SERAC1: variants seen among roughly 807,000 people sequenced by gnomAD.
The protein encoded by SERAC1 is protein SERAC1.
SERAC1 carries 36 observed loss-of-function variants against 85.7 expected under a neutral mutation model. The ratio of observed to expected loss-of-function variants is 0.42; its 90% CI spans 0.32 to 0.55. SERAC1 has a LOEUF of 0.55. Among genes scored for constraint, SERAC1 ranks in the 20% least tolerant of loss-of-function variants. The probability of loss-of-function intolerance (pLI) is 0.11; values close to 1 mark genes in which losing one functional copy is unlikely to be tolerated. For synonymous variants in SERAC1, 242 were observed against 265.3 expected (o/e 0.91, Z 0.85); for missense variants, 629 against 796.2 (o/e 0.79, Z 2.53).
At chr6:158,164,200 G>A (rs1205802326) in intron 1 of SERAC1, among the ~76,000 whole-genome samples, 1 of 151,776 alleles carries the variant, frequency 6.6e-6, no homozygotes, top group East Asian at 1.9e-4. Context: ...ATGGGGCCAG[G>A]CACGGTGGCT....
In SERAC1 at chr6:158,151,428, AT is replaced by A. The variant is rs60806678; in HGVS notation, c.129-840del. Among the ~76,000 whole-genome samples, 9 of 148,306 alleles carry A rather than the reference AT, an allele frequency of 6.1e-5. 1 individual carries two copies. Among genetic ancestry groups the A allele is most frequent in the South Asian group, 4.3e-4 (2 of 4,660 alleles). Reference sequence around the variant, plus strand: ...CAGAGCAAGACCTCGTCTCAAAAAGATTTTTTTTTTTGAGGTGGAGTCTCAC... The same window carrying A: ...CAGAGCAAGACCTCGTCTCAAAAAGATTTTTTTTTTGAGGTGGAGTCTCAC... On this transcript the variant is annotated intron_variant, in intron 3 of 16. Coordinates refer to ENST00000647468, the MANE Select transcript of SERAC1 (RefSeq NM_032861.4).
In SERAC1 at chr6:158,117,698, T is replaced by A; in HGVS notation, c.1403+29A>T. 6.2e-7 allele frequency: 1 copy of A among 1,612,910 alleles called. No individual in the cohort carries two copies. The highest frequency in any genetic ancestry group is 8.5e-7 in the Non-Finnish European group (1 of 1,178,978). ...AACTTGCGGCCTGAATTCTTCCCTG[T>A]CCTCCTGGTCTAAAGTCGCCTCTGT... On this transcript the variant is annotated intron_variant, in intron 13 of 16. Transcript: ENST00000647468. The surrounding 1 kb of genome is among the most constrained non-coding windows in gnomAD (Gnocchi z 4.3).
chr6:158,113,718 G>A (rs1583555787), intron 15 of SERAC1, 126 bp from the exon 16 acceptor site: 1 of 838,192 alleles, frequency 1.2e-6, no homozygotes, highest in East Asian at 2.6e-5. Flanking sequence ...GAGTACACAT[G>A]TTTATTTTCT....
Position 158,117,419 on chromosome 6 carries a change from A to G in SERAC1, c.1403+308T>C. 1 of 1,238,686 alleles carries G rather than the reference A, an allele frequency of 8.1e-7. No individual in the cohort carries two copies. Among genetic ancestry groups the G allele is most frequent in the South Asian group, 1.5e-5 (1 of 68,112 alleles). 76.7% of individuals were successfully genotyped at this position (1,238,686 alleles called of 1,614,324 possible). The stretch of plus-strand genomic sequence containing the variant: ...GTATGATTGTGGACACAAGAACAAA[A>G]AAACATCACTTTTACTTCTGATAGA... On this transcript the variant is annotated intron_variant, in intron 13 of 16. Coordinates refer to ENST00000647468, the MANE Select transcript of SERAC1 (RefSeq NM_032861.4). This position sits in a 1 kb window ranked among gnomAD's most constrained non-coding sequence, Gnocchi z 4.3.
chr6:158,166,144 T>C (rs970026917), intron 1 of SERAC1: 9 of 152,216 alleles, frequency 5.9e-5, no homozygotes, highest in Non-Finnish European at 1.2e-4. Flanking sequence ...ATTTAGGTCT[T>C]TATCTGGAAA....
At chr6:158,115,627 G>A (rs922513600) in intron 14 of SERAC1, among the ~76,000 whole-genome samples, 11 of 152,154 alleles carry the variant, frequency 7.2e-5, no homozygotes, top group Admixed American at 5.9e-4. Flanking sequence ...TGCAAGGTGG[G>A]TGGTGAAAAT....
chr6:158,121,077 T>C (rs984612222), intron 10 of SERAC1, among the ~76,000 whole-genome samples: 1 of 152,150 alleles, frequency 6.6e-6, no homozygotes. Context: ...AAAAACATTT[T>C]TTAAAGGGAG....
chr6:158,116,948 G>C (rs1562433478), intron 13 of SERAC1: 1 of 152,774 alleles, frequency 6.5e-6, no homozygotes, highest in Non-Finnish European at 1.5e-5. Flanking sequence ...GATGCTAATA[G>C]AATCAGAATT....
chr6:158,147,992 G>GCTATTAT (rs1306682918), intron 5 of SERAC1, among the ~76,000 whole-genome samples: 5 of 151,958 alleles, frequency 3.3e-5, no homozygotes, highest in Admixed American at 3.3e-4. Flanking sequence ...TAACCACAAT[G>GCTATTAT]CTATTATCAC....
At position 158,148,864 on chromosome 6, in the gene SERAC1, C is replaced by T. The variant is rs1785134401; in HGVS notation, c.355+1G>A. ...TTCCAAGTCATATAGTGGATATTTA[C>T]CAGCAAATGGATTCCGCAGTATCTT... is the stretch of plus-strand genomic sequence containing the variant. On this transcript the variant is annotated splice_donor_variant, in intron 5 of 16. Coordinates refer to ENST00000647468, the MANE Select transcript of SERAC1 (RefSeq NM_032861.4). LOFTEE classifies it high-confidence loss of function. 6.2e-7 allele frequency: 1 copy of T among 1,601,198 alleles called. No individual in the cohort carries two copies. The highest frequency in any genetic ancestry group is 1.3e-5 in the African/African-American group (1 of 74,556).
intron 1 of SERAC1, among the ~76,000 whole-genome samples, chr6:158,166,560 C>T (rs553890636): frequency 1.3e-4 from 20 of 152,118 alleles, no homozygotes; most frequent in Admixed American, 9.8e-4. Flanking sequence ...ATTGGCATTA[C>T]ACTGAATTCG....
At chr6:158,143,327 C>A (rs1034338718) in intron 7 of SERAC1, 143 bp from the exon 8 acceptor site, 1 of 206,072 alleles carries the variant, frequency 4.9e-6, no homozygotes, top group South Asian at 7.0e-5. Flanking sequence ...CTCTCTCTCT[C>A]TCTCTCTCTC....
chr6:158,146,411 T>TG (rs1428333125), intron 6 of SERAC1: 13 of 141,780 alleles, frequency 9.2e-5, no homozygotes, highest in African/African-American at 3.6e-4. Context: ...TTTTTTTTTT[T>TG]TTTTTTTTTT....
chr6:158,120,410 C>A lies in SERAC1; in HGVS notation c.1166+15G>T. 1 of 1,606,328 alleles carries A rather than the reference C, an allele frequency of 6.2e-7. No homozygotes were observed. Among genetic ancestry groups the A allele is most frequent in the Non-Finnish European group, 8.5e-7 (1 of 1,175,166 alleles). Reference sequence around the variant, plus strand: ...TTTCCAAAGGGGACAAAGCAACTCTCTTCTGCTTCCTTACCTTGTTCGATA... The same window carrying A: ...TTTCCAAAGGGGACAAAGCAACTCTATTCTGCTTCCTTACCTTGTTCGATA... On this transcript the variant is annotated intron_variant, in intron 11 of 16. Transcript: ENST00000647468. This position sits in a 1 kb window ranked among gnomAD's most constrained non-coding sequence, Gnocchi z 4.4.
rs1219241049 is a variant in SERAC1 at position 158,143,331 on chromosome 6, CTCTCTCTCTCTCTCTCTATATATATATA to C, written c.610-175_610-148del. On this transcript the variant is annotated intron_variant, in intron 7 of 16. Transcript: ENST00000647468. ...TCTCTCTCTCTCTCTCTCTCTCTCT[CTCTCTCTCTCTCTCTCTATATATATATA>C]TATATATATATATATACACACACAC... The C allele has an allele frequency of 4.8e-3, 968 of 199,784 alleles. 9 individuals carry two copies. The highest frequency in any genetic ancestry group is 0.042 in the African/African-American group (599 of 14,348). 12.4% of individuals were successfully genotyped at this position (199,784 alleles called of 1,614,324 possible). A position where few individuals can be genotyped will look rare whatever the true frequency, so the allele number is the denominator to read the frequency against.
chr6:158,165,296 C>CT (rs796417532), intron 1 of SERAC1, among the ~76,000 whole-genome samples: 1 of 152,224 alleles, frequency 6.6e-6, no homozygotes, highest in East Asian at 1.9e-4. Flanking sequence ...GCTGGGACTA[C>CT]AGGCGGCTGC....
At chr6:158,153,025 A>G (rs1312478631) in intron 3 of SERAC1, among the ~76,000 whole-genome samples, 1 of 152,242 alleles carries the variant, frequency 6.6e-6, no homozygotes, top group Non-Finnish European at 1.5e-5. Flanking sequence ...GGCAAGAAAC[A>G]GAATGTTAAC....
chr6:158,124,673 T>A (rs1386518492), intron 10 of SERAC1, among the ~76,000 whole-genome samples: 2 of 150,346 alleles, frequency 1.3e-5, no homozygotes, highest in African/African-American at 4.9e-5. Context: ...AGAACAAAAG[T>A]GGGAATTCAA....
chr6:158,133,065 G>A (rs1784713394), intron 8 of SERAC1, among the ~76,000 whole-genome samples: 1 of 152,108 alleles, frequency 6.6e-6, no homozygotes, highest in South Asian at 2.1e-4. Context: ...CCAACACTTT[G>A]GGAGGCTGAG....
Sources: gnomAD v4.1 joint callset for allele counts (sites outside exome capture counted in the v4.1 genomes callset) on GRCh38, gnomAD v4.1.1 for gene constraint, Gnocchi (gnomAD v3.1) non-coding constraint, MANE v1.5 for transcripts, NCBI Gene and HGNC (gene_info 2026-07-23, HGNC 2026-07-21) for gene names.